The following PCDH15 variants were observed in gnomAD, a reference collection of about 807,000 sequenced individuals.
PCDH15 encodes the protein protocadherin related 15.
PCDH15 carries 129 observed loss-of-function variants against 178.5 expected under a neutral mutation model. The observed-to-expected ratio is 0.72, with a 90% CI of 0.63 to 0.84. PCDH15 has a LOEUF of 0.84. Among genes scored for constraint, PCDH15 ranks in the 40% least tolerant of loss-of-function variants. The probability of loss-of-function intolerance (pLI) is 0.00; values close to 1 mark genes in which losing one functional copy is unlikely to be tolerated. For synonymous variants in PCDH15, 800 were observed against 732.0 expected (o/e 1.09, Z -1.50); for missense variants, 2,230 against 2,099.9 (o/e 1.06, Z -1.21).
At chr10:54,915,639 CAT>C (rs1162705196) in intron 2 of PCDH15, among the ~76,000 whole-genome samples, 1 of 152,034 alleles carries the variant, frequency 6.6e-6, no homozygotes, top group East Asian at 1.9e-4. Context: ...ATATACAGAA[CAT>C]GTGTAATTTG....
At chr10:55,292,315 A>G (rs941798355) in intron 1 of PCDH15, among the ~76,000 whole-genome samples, 1 of 152,190 alleles carries the variant, frequency 6.6e-6, no homozygotes, top group Non-Finnish European at 1.5e-5. Flanking sequence ...CAAAGGGGCT[A>G]CAGGCCCCAA....
At chr10:53,825,109 TC>T in intron 32 of PCDH15, 1 of 1,528,058 alleles carries the variant, frequency 6.5e-7, no homozygotes, top group Non-Finnish European at 8.8e-7. Flanking sequence ...CTAACGCTCT[TC>T]TATTAGAGTG....
chr10:55,054,213 T>C (rs1319739634), intron 2 of PCDH15, among the ~76,000 whole-genome samples: 1 of 152,184 alleles, frequency 6.6e-6, no homozygotes, highest in Non-Finnish European at 1.5e-5. Flanking sequence ...GTGTCTTTTG[T>C]TCCCCTCTGT....
chr10:55,056,125 T>C (rs1841294110), intron 2 of PCDH15, among the ~76,000 whole-genome samples: 2 of 152,204 alleles, frequency 1.3e-5, no homozygotes, highest in Non-Finnish European at 2.9e-5. Flanking sequence ...GGTCAAAGCA[T>C]TCACTTAGCA....
intron 2 of PCDH15, among the ~76,000 whole-genome samples, chr10:55,164,141 C>G (rs906138242): frequency 6.6e-6 from 1 of 152,054 alleles, no homozygotes; most frequent in Non-Finnish European, 1.5e-5. Flanking sequence ...AAGTTTGAGT[C>G]TCAGTCTCTG....
chr10:54,649,001 T>A (rs2094195705), intron 2 of PCDH15, among the ~76,000 whole-genome samples: 1 of 152,238 alleles, frequency 6.6e-6, no homozygotes, highest in East Asian at 1.9e-4. Context: ...AGAAACATAT[T>A]AAATGCAAAC....
intron 1 of PCDH15, among the ~76,000 whole-genome samples, chr10:54,678,153 T>C (rs2094826685): frequency 6.6e-6 from 1 of 152,182 alleles, no homozygotes. Flanking sequence ...CATATATAAA[T>C]ATATGTATAT....
At chr10:54,825,033 C>A (rs971481015) in intron 3 of PCDH15, among the ~76,000 whole-genome samples, 9 of 152,072 alleles carry the variant, frequency 5.9e-5, no homozygotes, top group African/African-American at 2.2e-4. Context: ...CTCCTCCCAC[C>A]CCACAACAGT....
intron 8 of PCDH15, among the ~76,000 whole-genome samples, chr10:54,257,221 TAAAAC>T (rs1198967999): frequency 6.6e-6 from 1 of 152,094 alleles, no homozygotes; most frequent in African/African-American, 2.4e-5. Flanking sequence ...AACTAACAAT[TAAAAC>T]AATGTATAGT....
intron 2 of PCDH15, among the ~76,000 whole-genome samples, chr10:55,424,363 A>G (rs2132049174): frequency 6.6e-6 from 1 of 152,234 alleles, no homozygotes; most frequent in Middle Eastern, 3.4e-3. Context: ...CAAAATTAAA[A>G]GTTGGATGTT....
intron 2 of PCDH15, among the ~76,000 whole-genome samples, chr10:55,548,639 T>A (rs2132085124): frequency 6.6e-6 from 1 of 152,232 alleles, no homozygotes. Context: ...GAAATCAAGT[T>A]TAAAACCCTC....
intron 2 of PCDH15, chr10:54,599,657 T>G (rs2092432390): frequency 5.3e-6 from 2 of 377,290 alleles, no homozygotes; most frequent in South Asian, 4.7e-5. Context: ...ATTGACAAAC[T>G]AATTGAAAAA....
chr10:54,078,774 G>T (rs2094387839), intron 17 of PCDH15, among the ~76,000 whole-genome samples: 1 of 151,120 alleles, frequency 6.6e-6, no homozygotes, highest in Admixed American at 6.6e-5. Context: ...TTTAAAGTGA[G>T]TTTTAGGTCC....
intron 3 of PCDH15, among the ~76,000 whole-genome samples, chr10:54,835,191 C>G (rs748573234): frequency 6.6e-6 from 1 of 152,088 alleles, no homozygotes; most frequent in Non-Finnish European, 1.5e-5. Context: ...AGAACACCAT[C>G]AGTAGACTTC....
intron 2 of PCDH15, among the ~76,000 whole-genome samples, chr10:55,360,343 C>A (rs1349237351): frequency 6.6e-6 from 1 of 151,678 alleles, no homozygotes; most frequent in African/African-American, 2.4e-5. Context: ...TCTTCATGAC[C>A]TTAGGATAAT....
intron 3 of PCDH15, among the ~76,000 whole-genome samples, chr10:54,892,137 A>G (rs1954473749): frequency 6.6e-6 from 1 of 152,248 alleles, no homozygotes; most frequent in South Asian, 2.1e-4. Flanking sequence ...GCAACACCAA[A>G]AGACTGAGCA....
intron 2 of PCDH15, among the ~76,000 whole-genome samples, chr10:55,566,083 G>A (rs184224248): frequency 5.9e-5 from 9 of 151,642 alleles, no homozygotes; most frequent in African/African-American, 1.7e-4. Flanking sequence ...TTAAGCAGCA[G>A]ATTAAAATGA....
Position 54,027,773 on chromosome 10 carries a change from CT to C in PCDH15, c.2221-4577del, listed in dbSNP as rs1369609162. On this transcript the variant is annotated intron_variant, in intron 18 of 37. Transcript: ENST00000644397. The stretch of plus-strand genomic sequence containing the variant: ...CTGAAACTGGATCCCTTCCTTACAC[CT>C]TATACAAAAATCAATTCAAGATGGA... Among the ~76,000 whole-genome samples the C allele has an allele frequency of 4.2e-5, 6 of 143,448 alleles. No homozygotes were observed. The Admixed American group carries it at 4.2e-4, about 10-fold the overall frequency. The allele number at this position is 143,448 out of a possible 152,430, so 94.1% of individuals were successfully genotyped here.
chr10:55,502,487 G>A (rs1840677755), intron 2 of PCDH15, among the ~76,000 whole-genome samples: 1 of 151,644 alleles, frequency 6.6e-6, no homozygotes, highest in African/African-American at 2.4e-5. Context: ...ATGTCACGTT[G>A]GAGTGTCATA....
Sources: gnomAD v4.1 joint callset for allele counts (sites outside exome capture counted in the v4.1 genomes callset) on GRCh38, gnomAD v4.1.1 for gene constraint, MANE v1.5 for transcripts, NCBI Gene and HGNC (gene_info 2026-07-23, HGNC 2026-07-21) for gene names.